Variants in STAT2 observed in about 807,000 individuals in gnomAD.
STAT2 encodes signal transducer and activator of transcription 2, also known as interferon alpha induced transcriptional activator.
A neutral mutation model predicts 122.3 loss-of-function variants in STAT2; 51 were observed. The observed-to-expected ratio is 0.42, with a 90% CI of 0.33 to 0.53. STAT2 has a LOEUF of 0.53. STAT2 is among the 20% of genes least tolerant of loss of function. STAT2 has a pLI of 0.10. For synonymous variants in STAT2, 351 were observed against 394.9 expected, an observed-to-expected ratio of 0.89 and a Z score of 1.32; for missense variants, 736 against 1,010.3, an observed-to-expected ratio of 0.73 and a Z score of 3.68.
chr12:56,358,484 G>C (rs770226278), intron 1 of STAT2, among the ~76,000 whole-genome samples: 6 of 152,162 alleles, frequency 3.9e-5, no homozygotes, highest in Admixed American at 1.3e-4. Flanking sequence ...GACCTCAGGT[G>C]ATCTGCCCAC....
At chr12:56,358,314 C>T (rs1463623677) in intron 1 of STAT2, among the ~76,000 whole-genome samples, 2 of 149,480 alleles carry the variant, frequency 1.3e-5, no homozygotes, top group Admixed American at 6.7e-5. Context: ...GACACGATCT[C>T]GGCTCACTGC....
chr12:56,348,801 T>G lies in STAT2; in HGVS notation c.1580A>C (p.Gln527Pro). 1 of 1,614,188 alleles carries G rather than the reference T, an allele frequency of 6.2e-7. No homozygotes were observed. The highest frequency in any genetic ancestry group is 8.5e-7 in the Non-Finnish European group (1 of 1,180,034). Residue 527 changes from glutamine to proline, a missense_variant, in exon 18 of 24, where the codon CAG becomes CCG. By Grantham distance (76) the Gln-to-Pro change is moderately conservative. Transcript: ENST00000314128. ...TAATGGATCCTCAGTCCTACAGTTCTGCCCTGTGGGACAGATAGCCACAGA... is the reference window on the plus strand; with the variant it reads ...TAATGGATCCTCAGTCCTACAGTTCGGCCCTGTGGGACAGATAGCCACAGA... ...LSMLRNKLFG[Q>P]NCRTEDPLLS... is the part of the protein sequence containing the mutation.
At chr12:56,350,719 TA>T in intron 11 of STAT2, 109 bp downstream of exon 11, 1 of 1,161,950 alleles carries the variant, frequency 8.6e-7, no homozygotes, top group Non-Finnish European at 1.3e-6. Context: ...TTCTGTGAGG[TA>T]GGATTGGAAG....
At chr12:56,349,771 A>G (rs1370652195) in intron 13 of STAT2, 135 bp from the exon 14 acceptor site, 30 of 1,179,978 alleles carry the variant, frequency 2.5e-5, no homozygotes, top group African/African-American at 4.6e-5. Context: ...AAAGCAGGCC[A>G]GCTATGGTGG....
chr12:56,350,533 A>C (rs1878301094), intron 11 of STAT2, 101 bp from the exon 12 acceptor site: 1 of 1,080,408 alleles, frequency 9.3e-7, no homozygotes, highest in African/African-American at 1.6e-5. Flanking sequence ...ACCCGACTTG[A>C]GCTCACTAGC....
At chr12:56,351,485 A>G (rs762502629) in intron 8 of STAT2, 35 bp from the exon 9 acceptor site, 2 of 1,602,014 alleles carry the variant, frequency 1.2e-6, no homozygotes, top group South Asian at 1.1e-5. Context: ...GGAATCCATG[A>G]GTTTCCTGGA....
chr12:56,355,906 G>A lies in STAT2; in HGVS notation c.286-103C>T, dbSNP rs1038351883. ...TGTCCACAGTATTTCCTCCTCCTTC[G>A]GGGTTCTTAGCCCTTTGTCTTTTCA... On this transcript the variant is annotated intron_variant, in intron 3 of 23. Coordinates refer to ENST00000314128, the MANE Select transcript of STAT2 (RefSeq NM_005419.4). The A allele has an allele frequency of 4.3e-5, 58 of 1,337,708 alleles. No homozygotes were observed. In the Admixed American group the frequency reaches 8.5e-4, roughly 19 times the overall value. 82.9% of individuals were successfully genotyped at this position (1,337,708 alleles called of 1,614,324 possible). A position where few individuals can be genotyped will look rare whatever the true frequency, so the allele number is the denominator to read the frequency against.
At position 56,349,250 on chromosome 12, in the gene STAT2, G is replaced by A; in HGVS notation, c.1353C>T (p.Leu451=). ...TCATGTTGGAAATAATCACCACAGGGAGGGTGTCCGTCTGGGGAGAAGACA... is the reference window on the plus strand; with the variant it reads ...TCATGTTGGAAATAATCACCACAGGAAGGGTGTCCGTCTGGGGAGAAGACA... ...GLKQELKTDT[L]PVVIISNMNQ... Residue 451 remains leucine, a synonymous_variant, in exon 16 of 24, where the codon CTC becomes CTT. Coordinates refer to ENST00000314128, the MANE Select transcript of STAT2 (RefSeq NM_005419.4). 6.2e-7 allele frequency: 1 copy of A among 1,614,202 alleles called. No homozygotes were observed. Among genetic ancestry groups the A allele is most frequent in the Non-Finnish European group, 8.5e-7 (1 of 1,180,040 alleles).
Position 56,350,106 on chromosome 12 carries a change from A to G in STAT2, c.1200T>C (p.Phe400=), listed in dbSNP as rs747925054. The G allele has an allele frequency of 1.9e-6, 3 of 1,612,090 alleles. No individual in the cohort carries two copies. Among genetic ancestry groups the G allele is most frequent in the Middle Eastern group, 1.7e-4 (1 of 6,040 alleles). ...KGQSQGLIWD[F]GYLTLVEQRS... is the part of the protein sequence containing the mutation. The stretch of plus-strand genomic sequence containing the variant: ...CACAAACTATTCTTACCAGGTAACC[A>G]AAGTCCCAAATCAAACCCTGACTCT... Residue 400 remains phenylalanine (F), a synonymous_variant, in exon 13 of 24, where the codon TTT becomes TTC. Coordinates refer to ENST00000314128, the MANE Select transcript of STAT2 (RefSeq NM_005419.4).
Position 56,343,301 on chromosome 12 carries a change from T to A in STAT2, c.*88A>T. ...GTTAACACAGCTTGGAAGGGACACA[T>A]GCCTGATTCCCATCCTTGGAGAACA... On this transcript the variant is annotated 3_prime_UTR_variant, in exon 24 of 24. Transcript: ENST00000314128. The A allele has an allele frequency of 1.3e-6, 2 of 1,536,900 alleles. No homozygotes were observed. Among genetic ancestry groups the A allele is most frequent in the Non-Finnish European group, 1.8e-6 (2 of 1,133,800 alleles).
chr12:56,355,434 T>C lies in STAT2; in HGVS notation c.471+9A>G, dbSNP rs1449322038. The C allele has an allele frequency of 3.1e-6, 5 of 1,614,158 alleles. No individual in the cohort carries two copies. Among genetic ancestry groups the C allele is most frequent in the Non-Finnish European group, 4.2e-6 (5 of 1,180,014 alleles). ...GCTGTCAACCCTAACTCCTACCACATCTACTAACCTCCATCATAGCCCTTA... is the reference window on the plus strand; with the variant it reads ...GCTGTCAACCCTAACTCCTACCACACCTACTAACCTCCATCATAGCCCTTA... On this transcript the variant is annotated intron_variant, in intron 5 of 23. Coordinates refer to ENST00000314128, the MANE Select transcript of STAT2 (RefSeq NM_005419.4).
chr12:56,355,005 G>T, intron 6 of STAT2, 142 bp from the exon 7 acceptor site: 2 of 875,946 alleles, frequency 2.3e-6, no homozygotes, highest in Non-Finnish European at 3.6e-6. Flanking sequence ...GGACCCTCAG[G>T]CAAATTCTGA....
rs184842133 is a variant in STAT2, at chr12:56,356,674, T to C, written c.-7-96A>G. On this transcript the variant is annotated intron_variant, in intron 1 of 23. Coordinates refer to ENST00000314128, the MANE Select transcript of STAT2 (RefSeq NM_005419.4). ...TTCATTATTACTAATTTAAAATGTT[T>C]AAATTATACAAGTAATAAAAATACA... 4.4e-5 allele frequency: 63 copies of C among 1,435,782 alleles called. No individual in the cohort carries two copies. In the East Asian group the frequency reaches 1.4e-3, roughly 31 times the overall value. The allele number at this position is 1,435,782 out of a possible 1,614,324, so 88.9% of individuals were successfully genotyped here. A position where few individuals can be genotyped will look rare whatever the true frequency, so the allele number is the denominator to read the frequency against.
intron 1 of STAT2, among the ~76,000 whole-genome samples, chr12:56,357,710 C>CTTTTT (rs940388949): frequency 3.8e-5 from 5 of 130,150 alleles, no homozygotes; most frequent in African/African-American, 5.6e-5. Flanking sequence ...AATTTTCTTT[C>CTTTTT]TTTTTTTTTT....
rs1877420882 is a variant in STAT2 at position 56,346,150 on chromosome 12, T to C, written c.2098A>G (p.Asn700Asp). The change falls in exon 22 of 24, where the codon AAT becomes GAT. Residue 700 changes from asparagine to aspartate, a missense_variant. By Grantham distance (23) the Asn-to-Asp change is conservative (BLOSUM62 1). Coordinates refer to ENST00000314128, the MANE Select transcript of STAT2 (RefSeq NM_005419.4). Reference protein sequence around the residue: ...YLKHRLIVVSNRQVDELQQPL... With the variant: ...YLKHRLIVVSDRQVDELQQPL... ...AATGAAGAGTTCATATCTCACCTAT[T>C]AGAGACCACAATGAGCCTGTGTTTC... is the stretch of plus-strand genomic sequence containing the variant. The C allele has an allele frequency of 1.2e-6, 2 of 1,614,180 alleles. No individual in the cohort carries two copies. The highest frequency in any genetic ancestry group is 1.1e-5 in the South Asian group (1 of 91,088).
At chr12:56,359,820 A>G (rs1880103174) in intron 1 of STAT2, among the ~76,000 whole-genome samples, 1 of 152,232 alleles carries the variant, frequency 6.6e-6, no homozygotes, top group South Asian at 2.1e-4. Flanking sequence ...CAACATAACA[A>G]TGCCAGATTC....
Position 56,354,618 on chromosome 12 carries a change from GGAAAGA to G in STAT2, c.634-10_634-5del, listed in dbSNP as rs748130437. 1.2e-6 allele frequency: 2 copies of G among 1,614,082 alleles called. No homozygotes were observed. Among genetic ancestry groups the G allele is most frequent in the Non-Finnish European group, 1.7e-6 (2 of 1,180,008 alleles). ...CTTTGGAGGCATCCAGCACCTCCTG[GGAAAGA>G]GATAATGTGAGTGTTGAGCATCTCT... On this transcript the variant is annotated splice_region_variant and splice_polypyrimidine_tract_variant and intron_variant, in intron 7 of 23. Coordinates refer to ENST00000314128, the MANE Select transcript of STAT2 (RefSeq NM_005419.4).
rs11575243 is a variant in STAT2 at position 56,343,681 on chromosome 12, T to A, written c.2413+144A>T. ...AAGAGCAGGGAGGTGGGGGAAGGCA[T>A]GTGTAATTCCTAAAAAAAGGAATCA... is the stretch of plus-strand genomic sequence containing the variant. On this transcript the variant is annotated intron_variant, in intron 23 of 23. Transcript: ENST00000314128. 5,708 of 1,522,996 alleles carry A rather than the reference T, an allele frequency of 3.7e-3. 203 individuals are homozygous for A. The African/African-American group carries it at 0.07, about 19-fold the overall frequency. The allele number at this position is 1,522,996 out of a possible 1,614,324, so 94.3% of individuals were successfully genotyped here.
Position 56,356,510 on chromosome 12 carries a change from A to T in STAT2, c.62T>A (p.Leu21His), listed in dbSNP as rs1245963214. 1.2e-6 allele frequency: 2 copies of T among 1,614,090 alleles called. No homozygotes were observed. The highest frequency in any genetic ancestry group is 1.7e-6 in the Non-Finnish European group (2 of 1,180,034). Reference sequence around the variant, plus strand: ...CACAGGCAGGAGGCTGTGCGAGTAAAGCTGGTGCAGCTGATCCTGAAAGGG... The same window carrying T: ...CACAGGCAGGAGGCTGTGCGAGTAATGCTGGTGCAGCTGATCCTGAAAGGG... ...DSPFQDQLHQLYSHSLLPVDI... is the reference protein window; with the variant it reads ...DSPFQDQLHQHYSHSLLPVDI... The change falls in exon 2 of 24, where the codon CTT (leucine) becomes CAT (histidine). Residue 21 changes from leucine (L) to histidine (H), a missense_variant. Transcript: ENST00000314128.
Sources: allele counts gnomAD v4.1 joint callset (sites outside exome capture counted in the v4.1 genomes callset), GRCh38; gene constraint gnomAD v4.1.1; transcripts MANE v1.5; gene names NCBI Gene and HGNC (gene_info 2026-07-23, HGNC 2026-07-21).